PLB1: variants seen among roughly 807,000 people sequenced by gnomAD.
PLB1 encodes the protein phospholipase B1.
PLB1 carries 242 observed loss-of-function variants against 227.4 expected under a neutral mutation model. That is an observed-to-expected ratio of 1.06 (90% confidence interval 0.96 to 1.18). The LOEUF is 1.18. PLB1 is among the 50% of genes most tolerant of loss of function. The probability of loss-of-function intolerance (pLI) is 0.00; values close to 1 mark genes in which losing one functional copy is unlikely to be tolerated. For synonymous variants in PLB1, 757 were observed against 682.2 expected, an observed-to-expected ratio of 1.11 and a Z score of -1.71; for missense variants, 1,858 against 1,816.3, an observed-to-expected ratio of 1.02 and a Z score of -0.42.
chr2:28,523,718 A>G (rs551218649), intron 4 of PLB1, among the ~76,000 whole-genome samples: 15 of 152,142 alleles, frequency 9.9e-5, no homozygotes, highest in African/African-American at 3.4e-4. Flanking sequence ...GGGGTGATCT[A>G]TCAATTAATT....
At position 28,593,676 on chromosome 2, in the gene PLB1, C is replaced by CT; in HGVS notation, c.2248-5_2248-4insT. On this transcript the variant is annotated splice_region_variant and splice_polypyrimidine_tract_variant and intron_variant, in intron 32 of 57. Coordinates refer to ENST00000327757, the MANE Select transcript of PLB1 (RefSeq NM_153021.5). Reference sequence around the variant, plus strand: ...TTTCCTATGGACTCTGGTATATTTTCAAAGGCTGGCAATGGAATTGGCTCC... The same window carrying CT: ...TTTCCTATGGACTCTGGTATATTTTCTAAAGGCTGGCAATGGAATTGGCTCC... 1 of 1,613,878 alleles carries CT rather than the reference C, an allele frequency of 6.2e-7. No individual in the cohort carries two copies. The highest frequency in any genetic ancestry group is 8.5e-7 in the Non-Finnish European group (1 of 1,179,800).
At chr2:28,614,238 G>C (rs769370478) in intron 44 of PLB1, 142 bp downstream of exon 44, 2 of 843,516 alleles carry the variant, frequency 2.4e-6, no homozygotes, top group African/African-American at 1.7e-5. Flanking sequence ...TACAGAAAAG[G>C]CTCCCGGACC....
intron 1 of PLB1, among the ~76,000 whole-genome samples, chr2:28,513,856 T>C (rs1668545854): frequency 6.6e-6 from 1 of 152,228 alleles, no homozygotes; most frequent in Non-Finnish European, 1.5e-5. Context: ...AGCAGTAAAC[T>C]CTGGACCCAG....
chr2:28,507,398 T>C (rs1667753663), intron 1 of PLB1, among the ~76,000 whole-genome samples: 1 of 152,134 alleles, frequency 6.6e-6, no homozygotes, highest in Non-Finnish European at 1.5e-5. Context: ...TGCCATCCCA[T>C]GACAGAAGGC....
chr2:28,571,638 T>C (rs1221702430), intron 20 of PLB1, among the ~76,000 whole-genome samples: 1 of 152,158 alleles, frequency 6.6e-6, no homozygotes, highest in Non-Finnish European at 1.5e-5. Context: ...GAAATTAAAC[T>C]CTCATATTCA....
chr2:28,555,756 A>C (rs1286286267), intron 17 of PLB1, among the ~76,000 whole-genome samples: 2 of 152,156 alleles, frequency 1.3e-5, no homozygotes, highest in Non-Finnish European at 2.9e-5. Context: ...GGATTGAAAA[A>C]GGTATTGAAA....
In PLB1 at chr2:28,535,565, C is replaced by T. The variant is rs148820032; in HGVS notation, c.556-2754C>T. ...CCTTGTTTGAGAAGTTCTTACGTGG[C>T]ATTTTTATTTTTCTGAAAGCACATC... On this transcript the variant is annotated intron_variant, in intron 9 of 57. Transcript: ENST00000327757. Among the ~76,000 whole-genome samples, 118 of 152,286 alleles carry T rather than the reference C, an allele frequency of 7.7e-4. 1 individual carries two copies. Among genetic ancestry groups the T allele is most frequent in the Non-Finnish European group, 1.4e-3 (95 of 68,022 alleles).
At chr2:28,542,530 C>T (rs1221937907) in intron 13 of PLB1, among the ~76,000 whole-genome samples, 1 of 152,172 alleles carries the variant, frequency 6.6e-6, no homozygotes, top group African/African-American at 2.4e-5. Context: ...TGTAGAGTGG[C>T]ATCCGGTGCT....
chr2:28,587,950 C>T (rs544758288), intron 26 of PLB1, among the ~76,000 whole-genome samples: 10 of 152,298 alleles, frequency 6.6e-5, no homozygotes, highest in Admixed American at 4.6e-4. Flanking sequence ...CCCTCCCAGC[C>T]TCTGCAGACA....
At chr2:28,580,267 C>A (rs1414941303) in intron 23 of PLB1, among the ~76,000 whole-genome samples, 1 of 152,206 alleles carries the variant, frequency 6.6e-6, no homozygotes, top group Non-Finnish European at 1.5e-5. Context: ...CACGCCTATG[C>A]CAGGAATGTA....
At chr2:28,515,666 T>C (rs1008911557) in intron 1 of PLB1, among the ~76,000 whole-genome samples, 10 of 152,118 alleles carry the variant, frequency 6.6e-5, no homozygotes, top group African/African-American at 2.4e-4. Context: ...AAGAAGGCTG[T>C]GGTGGAAAAG....
intron 1 of PLB1, among the ~76,000 whole-genome samples, chr2:28,506,887 G>A (rs1261586446): frequency 6.6e-6 from 1 of 152,150 alleles, no homozygotes; most frequent in Non-Finnish European, 1.5e-5. Context: ...ATTTCCTTTT[G>A]CATTATTGCA....
chr2:28,571,596 C>T (rs1558792920), intron 20 of PLB1, among the ~76,000 whole-genome samples: 3 of 152,148 alleles, frequency 2.0e-5, no homozygotes, highest in East Asian at 1.9e-4. Context: ...TGAGGATAGA[C>T]ATATCGAACA....
chr2:28,592,080 AGCTGGCTCTGTG>A (rs1682052188), intron 31 of PLB1, among the ~76,000 whole-genome samples: 1 of 152,150 alleles, frequency 6.6e-6, no homozygotes, highest in African/African-American at 2.4e-5. Flanking sequence ...CCCAAGAGGA[AGCTGGCTCTGTG>A]GCCCTAGGCT....
intron 41 of PLB1, among the ~76,000 whole-genome samples, chr2:28,605,177 G>A (rs1437731575): frequency 6.6e-6 from 1 of 152,196 alleles, no homozygotes; most frequent in African/African-American, 2.4e-5. Context: ...TCTCTCTCGT[G>A]TGCAACGCTG....
chr2:28,555,338 C>T lies in PLB1; in HGVS notation c.1147+2347C>T, dbSNP rs369627084. 1.2e-4 allele frequency among the ~76,000 whole-genome samples: 19 copies of T among 152,118 alleles called. 1 individual carries two copies. Among genetic ancestry groups the T allele is most frequent in the African/African-American group, 2.9e-4 (12 of 41,480 alleles). On this transcript the variant is annotated intron_variant, in intron 17 of 57. Transcript: ENST00000327757. ...TGTATTTTTTGTAGAGACAGGGTTT[C>T]GCCATGTTGGCCAGGCTGGTCTTGA...
Position 28,620,334 on chromosome 2 carries a change from TG to T in PLB1, c.3383+3del. ...ATCTTGGAGGGGACTCTCTTGGAGGTGAGGATGTTCTTGATGCATGCTCTAT... is the reference window on the plus strand; with the variant it reads ...ATCTTGGAGGGGACTCTCTTGGAGGTAGGATGTTCTTGATGCATGCTCTAT... On this transcript the variant is annotated splice_donor_region_variant and intron_variant, in intron 47 of 57. Coordinates refer to ENST00000327757, the MANE Select transcript of PLB1 (RefSeq NM_153021.5). 1.3e-6 allele frequency: 2 copies of T among 1,596,562 alleles called. No homozygotes were observed. Among genetic ancestry groups the T allele is most frequent in the Non-Finnish European group, 1.7e-6 (2 of 1,169,342 alleles).
In PLB1 at chr2:28,582,080, C is replaced by T. The variant is rs147552266; in HGVS notation, c.1579C>T (p.Pro527Ser). ...CCTCTTCCTGCAGGTCCACTATTCTCCCCAGAACTTCACAGACAACATTGG... is the reference window on the plus strand; with the variant it reads ...CCTCTTCCTGCAGGTCCACTATTCTTCCCAGAACTTCACAGACAACATTGG... ...DFCNDLVHYS[P>S]QNFTDNIGKA... is the part of the protein sequence containing the mutation. Residue 527 changes from proline to serine, a missense_variant, in exon 24 of 58, where the codon CCC becomes TCC. Coordinates refer to ENST00000327757, the MANE Select transcript of PLB1 (RefSeq NM_153021.5). The T allele has an allele frequency of 6.2e-7, 1 of 1,613,786 alleles. No individual in the cohort carries two copies. Among genetic ancestry groups the T allele is most frequent in the Non-Finnish European group, 8.5e-7 (1 of 1,179,696 alleles).
intron 14 of PLB1, chr2:28,548,598 TA>T: frequency 1.9e-6 from 1 of 538,152 alleles, no homozygotes; most frequent in East Asian, 4.4e-5. Context: ...TATATATATA[TA>T]TAAAACCGAT....
Sources: gnomAD v4.1 joint callset for allele counts (sites outside exome capture counted in the v4.1 genomes callset) on GRCh38, gnomAD v4.1.1 for gene constraint, MANE v1.5 for transcripts, NCBI Gene and HGNC (gene_info 2026-07-23, HGNC 2026-07-21) for gene names.